Variants in ZFP1 observed in about 807,000 individuals in gnomAD.
ZFP1 encodes the protein zinc finger protein 1 homolog.
ZFP1 carries 32 observed loss-of-function variants against 38.5 expected under a neutral mutation model. That is an observed-to-expected ratio of 0.83 (90% CI 0.63 to 1.12). The LOEUF is 1.12. ZFP1 is among the 50% of genes most tolerant of loss of function. ZFP1 has a pLI of 0.00. For missense variants in ZFP1, 616 were observed against 480.8 expected, an observed-to-expected ratio of 1.28 and a Z score of -2.63; for synonymous variants, 245 against 168.8, an observed-to-expected ratio of 1.45 and a Z score of -3.50.
chr16:75,165,496 G>A (rs566163151), intron 2 of ZFP1, among the ~76,000 whole-genome samples: 1 of 152,142 alleles, frequency 6.6e-6, no homozygotes, highest in South Asian at 2.1e-4. Flanking sequence ...CCAGGTTCAA[G>A]CAATTCTCCT....
rs1412376899 is a variant in ZFP1, at chr16:75,169,667, G to T, written c.557G>T (p.Cys186Phe). The change falls in exon 4 of 4, where the codon TGT becomes TTT. Residue 186 changes from cysteine (C) to phenylalanine (F), a missense_variant. Coordinates refer to ENST00000570010, the MANE Select transcript of ZFP1 (RefSeq NM_153688.4). ...AAAAACTTGGTTCAACCTTTCATTT[G>T]TACTTACTGTGACAAGGCTTTCTCC... ...KIKNLVQPFI[C>F]TYCDKAFSFK... The T allele has an allele frequency of 6.2e-7, 1 of 1,608,612 alleles. No homozygotes were observed. The highest frequency in any genetic ancestry group is 8.5e-7 in the Non-Finnish European group (1 of 1,178,340).
intron 2 of ZFP1, among the ~76,000 whole-genome samples, chr16:75,160,528 A>G (rs1212325058): frequency 6.6e-6 from 1 of 152,034 alleles, no homozygotes; most frequent in African/African-American, 2.4e-5. Flanking sequence ...GTGTGGTGGC[A>G]CTTGTCTGTA....
chr16:75,147,127 G>A (rs2036960936), upstream of ZFP1, among the ~76,000 whole-genome samples: 1 of 152,008 alleles, frequency 6.6e-6, no homozygotes, highest in African/African-American at 2.4e-5. Context: ...AGGGGTTGTG[G>A]GATGGATGAA....
At chr16:75,148,397 G>T (rs956163361), upstream of ZFP1, 1 of 152,260 alleles carries the variant, frequency 6.6e-6, no homozygotes, top group African/African-American at 2.4e-5. Flanking sequence ...AGTCCCTAAA[G>T]CCGCGGCCCC....
chr16:75,154,156 G>A (rs900523253), intron 2 of ZFP1, among the ~76,000 whole-genome samples: 12 of 152,084 alleles, frequency 7.9e-5, no homozygotes, highest in Admixed American at 6.5e-4. Flanking sequence ...GCCAGGAGGC[G>A]GAGCTTGCAG....
intron 2 of ZFP1, among the ~76,000 whole-genome samples, chr16:75,154,726 C>T (rs186736296): frequency 5.3e-5 from 8 of 152,266 alleles, no homozygotes; most frequent in South Asian, 2.1e-4. Flanking sequence ...AGAGTTTCTA[C>T]GGCCCTGCAT....
upstream of ZFP1, among the ~76,000 whole-genome samples, chr16:75,145,053 C>T (rs146787076): frequency 7.0e-4 from 106 of 152,318 alleles, no homozygotes; most frequent in East Asian, 4.0e-3. Flanking sequence ...TGTACCAGAA[C>T]GTCATTCTTT....
chr16:75,154,742 C>G (rs769891205), intron 2 of ZFP1, among the ~76,000 whole-genome samples: 3 of 152,126 alleles, frequency 2.0e-5, no homozygotes, highest in Admixed American at 6.5e-5. Context: ...TGCATCCTCA[C>G]CAGCATTTTG....
upstream of ZFP1, among the ~76,000 whole-genome samples, chr16:75,145,360 G>C (rs991277763): frequency 8.5e-5 from 13 of 152,204 alleles, no homozygotes; most frequent in Non-Finnish European, 1.9e-4. Context: ...GACAGTGTTG[G>C]CAGTCTCTTA....
In ZFP1 at chr16:75,171,117, A is replaced by G. The variant is rs749309970; in HGVS notation, c.*783A>G. ...GAATAAGAGTTTGCCGTGTAAAGAC[A>G]ATATCCCCATTCGTCATGCTCTTAT... is the stretch of plus-strand genomic sequence containing the variant. On this transcript the variant is annotated 3_prime_UTR_variant, in exon 4 of 4. Transcript: ENST00000570010. 2.1e-5 allele frequency: 3 copies of G among 146,130 alleles called. No individual in the cohort carries two copies. The highest frequency in any genetic ancestry group is 4.6e-5 in the Non-Finnish European group (3 of 65,624). 9.1% of individuals were successfully genotyped at this position (146,130 alleles called of 1,614,324 possible). A position where few individuals can be genotyped will look rare whatever the true frequency, so the allele number is the denominator to read the frequency against.
intron 3 of ZFP1, 68 bp from the exon 4 acceptor site, chr16:75,169,185 C>G: frequency 6.6e-7 from 1 of 1,514,446 alleles, no homozygotes. Context: ...CGTGTGAAGA[C>G]TTCCCATTCG....
At chr16:75,150,564 C>T (rs1233563183) in intron 1 of ZFP1, among the ~76,000 whole-genome samples, 2 of 152,056 alleles carry the variant, frequency 1.3e-5, no homozygotes, top group African/African-American at 2.4e-5. Flanking sequence ...CTGATTTGGT[C>T]AGAATACTGT....
upstream of ZFP1, among the ~76,000 whole-genome samples, chr16:75,145,471 C>T (rs1270220066): frequency 1.3e-5 from 2 of 152,158 alleles, no homozygotes; most frequent in East Asian, 1.9e-4. Context: ...ACAGGCATTC[C>T]TGTTTTCACG....
At chr16:75,124,503 G>T in the ZFP1 span, among the ~76,000 whole-genome samples, 3 of 149,692 alleles carry the variant, frequency 2.0e-5, no homozygotes, top group Non-Finnish European at 4.4e-5. Context: ...GGTAAAAGGG[G>T]CCGGGCATGG....
At chr16:75,149,214 G>A (rs1414482704) in intron 1 of ZFP1, 1 of 152,214 alleles carries the variant, frequency 6.6e-6, no homozygotes, top group African/African-American at 2.4e-5. Flanking sequence ...AACACGGGAG[G>A]TTCAGAAGGG....
chr16:75,148,902 A>C (rs1316281587), intron 1 of ZFP1: 1 of 151,742 alleles, frequency 6.6e-6, no homozygotes, highest in African/African-American at 2.4e-5. Context: ...CTTTGTCAGG[A>C]GATGCGCCTC....
At chr16:75,142,826 C>G in the ZFP1 span, among the ~76,000 whole-genome samples, 1 of 151,936 alleles carries the variant, frequency 6.6e-6, no homozygotes, top group Non-Finnish European at 1.5e-5. Context: ...CTCAGCCTCC[C>G]AAGTATCTGG....
chr16:75,162,723 C>T (rs1005856678), intron 2 of ZFP1, among the ~76,000 whole-genome samples: 4 of 151,962 alleles, frequency 2.6e-5, no homozygotes, highest in African/African-American at 7.3e-5. Flanking sequence ...TCGTGAGTAC[C>T]CAGAGTTTAG....
At chr16:75,134,078 G>A in the ZFP1 span, among the ~76,000 whole-genome samples, 1 of 152,056 alleles carries the variant, frequency 6.6e-6, no homozygotes, top group Non-Finnish European at 1.5e-5. Context: ...ATAAGTTTTA[G>A]GCCTTAAAAA....
Sources: allele counts gnomAD v4.1 joint callset (sites outside exome capture counted in the v4.1 genomes callset), GRCh38; gene constraint gnomAD v4.1.1; transcripts MANE v1.5; gene names NCBI Gene and HGNC (gene_info 2026-07-23, HGNC 2026-07-21).